Variants in MBD5 observed in about 807,000 individuals in gnomAD.
MBD5 encodes methyl-CpG binding domain protein 5.
MBD5 carries 13 observed loss-of-function variants against 117.3 expected under a neutral mutation model. That is an observed-to-expected ratio of 0.11 (90% CI 0.07 to 0.18). The LOEUF (loss-of-function observed/expected upper bound fraction) is 0.18, where lower values mean the gene tolerates loss of function less well. Ranked by LOEUF, MBD5 falls within the 10% of genes least tolerant of loss-of-function variation. The probability of loss-of-function intolerance (pLI) is 1.00; values close to 1 mark genes in which losing one functional copy is unlikely to be tolerated. For missense variants in MBD5, 1,879 were observed against 2,093.8 expected, an observed-to-expected ratio of 0.90 and a Z score of 2.00; for synonymous variants, 727 against 766.4, an observed-to-expected ratio of 0.95 and a Z score of 0.85.
intron 1 of MBD5, among the ~76,000 whole-genome samples, chr2:148,039,171 A>G (rs1438676147): frequency 3.3e-5 from 5 of 152,134 alleles, no homozygotes; most frequent in Admixed American, 3.3e-4. Flanking sequence ...ATGTGAGCAT[A>G]TTTTAATTTA....
At position 148,489,970 on chromosome 2, in the gene MBD5, G is replaced by A; in HGVS notation, c.4338G>A (p.Glu1446=). 1 of 1,614,048 alleles carries A rather than the reference G, an allele frequency of 6.2e-7. No homozygotes were observed. Among genetic ancestry groups the A allele is most frequent in the East Asian group, 2.2e-5 (1 of 44,886 alleles). ...PRGERNRWKY[E]EFLDHPGHIH... The stretch of plus-strand genomic sequence containing the variant: ...GGGAGCGAAACAGGTGGAAGTACGA[G>A]GAATTTTTAGATCATCCAGGCCATA... The change falls in exon 11 of 14, where the codon GAG becomes GAA. Residue 1446 remains glutamate, a synonymous_variant. Coordinates refer to ENST00000642680, the MANE Select transcript of MBD5 (RefSeq NM_001378120.1).
intron 4 of MBD5, among the ~76,000 whole-genome samples, chr2:148,385,561 A>G (rs974750865): frequency 1.1e-4 from 16 of 152,178 alleles, no homozygotes; most frequent in African/African-American, 4.8e-5. Flanking sequence ...GCAATTCCTC[A>G]GGGATCTAGA....
chr2:148,088,663 G>T (rs1695859659), intron 1 of MBD5, among the ~76,000 whole-genome samples: 1 of 152,098 alleles, frequency 6.6e-6, no homozygotes, highest in African/African-American at 2.4e-5. Context: ...AATACTGAGA[G>T]AATTTTTCAC....
At chr2:148,043,525 G>A (rs186243364) in intron 1 of MBD5, among the ~76,000 whole-genome samples, 6 of 151,788 alleles carry the variant, frequency 4.0e-5, no homozygotes, top group East Asian at 1.9e-4. Flanking sequence ...CAGGAATCTC[G>A]ATTTTAACAA....
At chr2:148,044,992 T>C (rs920198788) in intron 1 of MBD5, 2 of 152,174 alleles carry the variant, frequency 1.3e-5, no homozygotes, top group Non-Finnish European at 2.9e-5. Flanking sequence ...TGAATTCAAT[T>C]TCTTGGTTCC....
chr2:148,424,027 A>C (rs1384326971), intron 4 of MBD5, among the ~76,000 whole-genome samples: 1 of 151,312 alleles, frequency 6.6e-6, no homozygotes, highest in Non-Finnish European at 1.5e-5. Context: ...AAATACAAAA[A>C]ATTACCCATG....
At chr2:148,090,550 A>C (rs1462024272) in intron 1 of MBD5, among the ~76,000 whole-genome samples, 2 of 152,198 alleles carry the variant, frequency 1.3e-5, no homozygotes, top group Admixed American at 1.3e-4. Flanking sequence ...ACTGCAAGTA[A>C]ATAAATGTGA....
chr2:148,186,059 G>T (rs1003495545), intron 2 of MBD5, among the ~76,000 whole-genome samples: 3 of 152,200 alleles, frequency 2.0e-5, no homozygotes, highest in Non-Finnish European at 2.9e-5. Flanking sequence ...GACTGGAGCT[G>T]GCAGTTGAAT....
chr2:148,399,085 G>C (rs1048163307), intron 4 of MBD5, among the ~76,000 whole-genome samples: 3 of 152,156 alleles, frequency 2.0e-5, no homozygotes, highest in Admixed American at 6.5e-5. Context: ...GTCAGGTAGA[G>C]TGATGCCTCC....
intron 3 of MBD5, among the ~76,000 whole-genome samples, chr2:148,236,824 A>G (rs1201426362): frequency 6.6e-6 from 1 of 152,078 alleles, no homozygotes; most frequent in Non-Finnish European, 1.5e-5. Flanking sequence ...CCCAGGTGGC[A>G]TCTTCTTCCA....
chr2:148,355,637 A>G (rs1703362793), intron 4 of MBD5, among the ~76,000 whole-genome samples: 4 of 152,064 alleles, frequency 2.6e-5, no homozygotes, highest in Non-Finnish European at 5.9e-5. Context: ...CCATTGGTCT[A>G]TATATCTGTT....
intron 3 of MBD5, among the ~76,000 whole-genome samples, chr2:148,291,476 T>C (rs1701499743): frequency 6.6e-6 from 1 of 152,216 alleles, no homozygotes; most frequent in Non-Finnish European, 1.5e-5. Flanking sequence ...GGAATTGTTT[T>C]ATTATTTCAT....
At chr2:148,424,061 C>G (rs1705694326) in intron 4 of MBD5, among the ~76,000 whole-genome samples, 1 of 151,202 alleles carries the variant, frequency 6.6e-6, no homozygotes, top group Non-Finnish European at 1.5e-5. Flanking sequence ...GCCTGTAGCC[C>G]CAGCTACTCA....
At chr2:148,150,584 T>C (rs1486006119) in intron 1 of MBD5, among the ~76,000 whole-genome samples, 2 of 152,108 alleles carry the variant, frequency 1.3e-5, no homozygotes, top group Non-Finnish European at 2.9e-5. Flanking sequence ...CATGGAATGT[T>C]CTTCCATTTG....
At chr2:148,281,249 G>T (rs1195133566) in intron 3 of MBD5, among the ~76,000 whole-genome samples, 2 of 152,144 alleles carry the variant, frequency 1.3e-5, no homozygotes, top group Non-Finnish European at 2.9e-5. Context: ...ACTTAACGCT[G>T]TTTCAGTTTT....
chr2:148,426,029 C>A (rs1385424777), intron 4 of MBD5, among the ~76,000 whole-genome samples: 1 of 152,130 alleles, frequency 6.6e-6, no homozygotes, highest in Non-Finnish European at 1.5e-5. Flanking sequence ...AGAGCCAAAT[C>A]ATGAGGGAAC....
intron 4 of MBD5, among the ~76,000 whole-genome samples, chr2:148,365,222 C>T (rs1703660782): frequency 6.6e-6 from 1 of 152,142 alleles, no homozygotes; most frequent in Non-Finnish European, 1.5e-5. Context: ...AACTAAACAA[C>T]CTGCTCCTGA....
At chr2:148,187,648 G>A (rs932924723) in intron 2 of MBD5, among the ~76,000 whole-genome samples, 3 of 151,718 alleles carry the variant, frequency 2.0e-5, no homozygotes, top group African/African-American at 7.3e-5. Flanking sequence ...GAATGAGATC[G>A]GTATCAAAAG....
intron 1 of MBD5, among the ~76,000 whole-genome samples, chr2:148,155,855 G>A (rs1452070486): frequency 6.6e-6 from 1 of 152,216 alleles, no homozygotes; most frequent in Non-Finnish European, 1.5e-5. Context: ...ACTCTTAGTA[G>A]CACATGGGAG....
Sources: gnomAD v4.1 joint callset for allele counts (sites outside exome capture counted in the v4.1 genomes callset) on GRCh38, gnomAD v4.1.1 for gene constraint, MANE v1.5 for transcripts, NCBI Gene and HGNC (gene_info 2026-07-23, HGNC 2026-07-21) for gene names.